The following PRIM1 variants were observed in gnomAD, a reference collection of about 807,000 sequenced individuals.
PRIM1 encodes the protein DNA primase subunit 1.
PRIM1 carries 38 observed loss-of-function variants against 60.2 expected under a neutral mutation model. The observed-to-expected ratio is 0.63, with a 90% CI of 0.49 to 0.83. The LOEUF is 0.83. Among genes scored for constraint, PRIM1 ranks in the 40% least tolerant of loss-of-function variants. PRIM1 has a pLI of 0.00. For synonymous variants in PRIM1, 158 were observed against 160.2 expected, an observed-to-expected ratio of 0.99 and a Z score of 0.10; for missense variants, 388 against 506.2, an observed-to-expected ratio of 0.77 and a Z score of 2.24.
chr12:56,747,716 G>C (rs1190720660), intron 2 of PRIM1, among the ~76,000 whole-genome samples: 2 of 152,150 alleles, frequency 1.3e-5, no homozygotes, highest in Non-Finnish European at 2.9e-5. Context: ...CTGCACTCCA[G>C]CCTGGGTGAC....
chr12:56,744,938 C>T (rs895862425), intron 5 of PRIM1, among the ~76,000 whole-genome samples: 4 of 151,858 alleles, frequency 2.6e-5, no homozygotes, highest in Admixed American at 6.6e-5. Flanking sequence ...CCTGCCAACA[C>T]GCCTGGCTAA....
At chr12:56,734,897 C>G (rs1456235766) in intron 11 of PRIM1, among the ~76,000 whole-genome samples, 1 of 149,594 alleles carries the variant, frequency 6.7e-6, no homozygotes, top group South Asian at 2.1e-4. Context: ...CTGCAACTTC[C>G]GCCTCCCAGG....
At chr12:56,741,071 C>T (rs1041346929) in intron 9 of PRIM1, among the ~76,000 whole-genome samples, 2 of 152,140 alleles carry the variant, frequency 1.3e-5, no homozygotes, top group Non-Finnish European at 2.9e-5. Context: ...ACCTTGCCCT[C>T]CTCAAGTGCT....
At chr12:56,744,033 C>G (rs1953890051) in intron 6 of PRIM1, 32 bp downstream of exon 6, 2 of 1,491,932 alleles carry the variant, frequency 1.3e-6, no homozygotes, top group Non-Finnish European at 1.8e-6. Flanking sequence ...AAATCAGACA[C>G]CTTAAAGTGC....
Position 56,739,346 on chromosome 12 carries a change from T to C in PRIM1, c.1000A>G (p.Ile334Val). 6.3e-7 allele frequency: 1 copy of C among 1,581,720 alleles called. No individual in the cohort carries two copies. The highest frequency in any genetic ancestry group is 8.6e-7 in the Non-Finnish European group (1 of 1,158,786). ...AACTGGTCCACTTTCTGCAAATCAATAGGCACAGATATGCGACCTGTAAGA... is the reference window on the plus strand; with the variant it reads ...AACTGGTCCACTTTCTGCAAATCAACAGGCACAGATATGCGACCTGTAAGA... ...HPKTGRISVP[I>V]DLQKVDQFDP... The change falls in exon 10 of 13, where the codon ATT becomes GTT. Residue 334 changes from isoleucine (I) to valine (V), a missense_variant. Physicochemically the swap from Ile to Val is conservative, Grantham distance 29. Transcript: ENST00000338193.
rs748488426 is a variant in PRIM1, at chr12:56,746,806, T to G, written c.417A>C (p.Ile139=). The change falls in exon 4 of 13, where the codon ATA becomes ATC. Residue 139 remains isoleucine, a synonymous_variant. Coordinates refer to ENST00000338193, the MANE Select transcript of PRIM1 (RefSeq NM_000946.3). ...PKCWTLMTMA[I]RIIDRALKED... ...CCTTCAATGCTCTGTCAATGATGCG[T>G]ATGGCCATTGTCATGAGGGTCCAGC... 3.7e-6 allele frequency: 6 copies of G among 1,613,852 alleles called. No individual in the cohort carries two copies. The highest frequency in any genetic ancestry group is 4.5e-5 in the East Asian group (2 of 44,904).
chr12:56,751,057 C>T lies in PRIM1; in HGVS notation c.242G>A (p.Gly81Asp). 1 of 1,573,652 alleles carries T rather than the reference C, an allele frequency of 6.4e-7. No homozygotes were observed. Among genetic ancestry groups the T allele is most frequent in the Non-Finnish European group, 8.6e-7 (1 of 1,161,164 alleles). The change falls in exon 2 of 13, where the codon GGC becomes GAC. Residue 81 changes from glycine (G) to aspartate (D), a missense_variant. Gly to Asp is a moderately conservative substitution (Grantham distance 94). This residue lies in a region of PRIM1 where 156 missense variants were observed against 175.8 expected (regional missense o/e 0.89). Coordinates refer to ENST00000338193, the MANE Select transcript of PRIM1 (RefSeq NM_000946.3). ...TCTTACTCTGTGAGAATATACTGCG[C>T]CTATATCAATCTTGTATGGATTCAT... ...QKMNPYKIDI[G>D]AVYSHRPNQH...
At chr12:56,751,336 G>T in intron 1 of PRIM1, 141 bp from the exon 2 acceptor site, 2 of 555,508 alleles carry the variant, frequency 3.6e-6, no homozygotes, top group African/African-American at 1.9e-5. Context: ...CTGGAGTGCA[G>T]TGGCTCGATA....
chr12:56,735,314 G>T (rs1953818954), intron 11 of PRIM1, among the ~76,000 whole-genome samples: 1 of 151,554 alleles, frequency 6.6e-6, no homozygotes, highest in Non-Finnish European at 1.5e-5. Context: ...TGTCCAAGAT[G>T]GTTTTGATCT....
chr12:56,745,367 C>T (rs530835828), intron 5 of PRIM1, among the ~76,000 whole-genome samples: 2 of 151,610 alleles, frequency 1.3e-5, no homozygotes, highest in Admixed American at 6.6e-5. Flanking sequence ...GCTGTGGTCA[C>T]GTTACCGTAC....
chr12:56,745,994 G>T, intron 5 of PRIM1, 51 bp downstream of exon 5: 4 of 1,512,740 alleles, frequency 2.6e-6, no homozygotes, highest in South Asian at 1.3e-5. Context: ...TATCAGGCTT[G>T]GTAACATCTA....
chr12:56,736,483 TAA>T lies in PRIM1; in HGVS notation c.1144+1949_1144+1950del, dbSNP rs368043715. On this transcript the variant is annotated intron_variant, in intron 11 of 12. Transcript: ENST00000338193. ...ATTAAGAATCCTCATAATAGTTCTTTAAAAAGAGTAAGAAAGAAATTATACTT... is the reference window on the plus strand; with the variant it reads ...ATTAAGAATCCTCATAATAGTTCTTTAAAGAGTAAGAAAGAAATTATACTT... Among the ~76,000 whole-genome samples the T allele has an allele frequency of 2.7e-3, 392 of 147,114 alleles. 4 individuals are homozygous for T. Among genetic ancestry groups the T allele is most frequent in the African/African-American group, 9.3e-3 (376 of 40,250 alleles).
chr12:56,734,778 TTA>T (rs34889392), intron 11 of PRIM1, among the ~76,000 whole-genome samples: 5 of 140,284 alleles, frequency 3.6e-5, no homozygotes, highest in African/African-American at 5.4e-5. Context: ...TCTTTTATAT[TTA>T]TATATATATA....
rs370284267 is a variant in PRIM1, at chr12:56,742,974, C to T, written c.748+13G>A. 37 of 1,501,848 alleles carry T rather than the reference C, an allele frequency of 2.5e-5. No individual in the cohort carries two copies. The highest frequency in any genetic ancestry group is 8.5e-5 in the African/African-American group (6 of 70,364). 93.0% of individuals were successfully genotyped at this position (1,501,848 alleles called of 1,614,324 possible). Reference sequence around the variant, plus strand: ...CAACTAGCTCACACAGAAATGATCACGGGAAAGGATATTTTCAGGAACAAG... The same window carrying T: ...CAACTAGCTCACACAGAAATGATCATGGGAAAGGATATTTTCAGGAACAAG... On this transcript the variant is annotated intron_variant, in intron 7 of 12. Coordinates refer to ENST00000338193, the MANE Select transcript of PRIM1 (RefSeq NM_000946.3).
chr12:56,733,653 G>A (rs1393351232), intron 12 of PRIM1, among the ~76,000 whole-genome samples: 1 of 148,572 alleles, frequency 6.7e-6, no homozygotes, highest in Non-Finnish European at 1.5e-5. Flanking sequence ...GCGATGGTGT[G>A]ATCTCAGCTC....
chr12:56,747,660 C>A (rs1953917551), intron 2 of PRIM1, among the ~76,000 whole-genome samples: 1 of 152,116 alleles, frequency 6.6e-6, no homozygotes, highest in Admixed American at 6.5e-5. Flanking sequence ...GCAGGAGTAT[C>A]ATTGAACCCG....
In PRIM1 at chr12:56,752,308, A is replaced by T; in HGVS notation, c.-10T>A. 6.4e-7 allele frequency: 1 copy of T among 1,556,116 alleles called. No homozygotes were observed. The highest frequency in any genetic ancestry group is 2.4e-5 in the East Asian group (1 of 41,888). On this transcript the variant is annotated 5_prime_UTR_variant, in exon 1 of 13. Transcript: ENST00000338193. ...GGTCAAACGTCTCCATTGAGCGCGG[A>T]ACTCGCCACGGTAAGGATTACCACA... is the stretch of plus-strand genomic sequence containing the variant.
chr12:56,751,015 T>C, intron 2 of PRIM1, 23 bp downstream of exon 2: 1 of 1,385,718 alleles, frequency 7.2e-7, no homozygotes, highest in Non-Finnish European at 9.5e-7. Context: ...AACAACAAAA[T>C]ATATTAAAAA....
chr12:56,739,341 A>G lies in PRIM1; in HGVS notation c.1005T>C (p.Asp335=). 1 of 1,581,938 alleles carries G rather than the reference A, an allele frequency of 6.3e-7. No individual in the cohort carries two copies. The highest frequency in any genetic ancestry group is 8.6e-7 in the Non-Finnish European group (1 of 1,159,104). Residue 335 remains aspartate, a synonymous_variant, in exon 10 of 13, where the codon GAT becomes GAC. Transcript: ENST00000338193. ...PKTGRISVPI[D]LQKVDQFDPF... ...GATCAAACTGGTCCACTTTCTGCAA[A>G]TCAATAGGCACAGATATGCGACCTG...
Sources: allele counts gnomAD v4.1 joint callset (sites outside exome capture counted in the v4.1 genomes callset), GRCh38; gene constraint gnomAD v4.1.1; regional missense constraint gnomAD v4.1.1; transcripts MANE v1.5; gene names NCBI Gene and HGNC (gene_info 2026-07-23, HGNC 2026-07-21).